Variants in KPNA7 observed in about 807,000 individuals in gnomAD.
The protein encoded by KPNA7 is karyopherin subunit alpha 7.
In KPNA7, 54 loss-of-function variants were observed where a neutral mutation model predicts 53.7. That is an observed-to-expected ratio of 1.01 (90% CI 0.81 to 1.26). KPNA7 has a LOEUF of 1.26. Among genes scored for constraint, KPNA7 ranks in the 50% most tolerant of loss-of-function variants. The pLI is 0.00. For missense variants in KPNA7, 640 were observed against 644.5 expected, an observed-to-expected ratio of 0.99 and a Z score of 0.07; for synonymous variants, 276 against 259.3, an observed-to-expected ratio of 1.06 and a Z score of -0.62.
upstream of KPNA7, among the ~76,000 whole-genome samples, chr7:99,210,499 G>A (rs989180647): frequency 1.3e-5 from 2 of 152,160 alleles, no homozygotes; most frequent in East Asian, 1.9e-4. Context: ...TGTGTGATAC[G>A]AGACAGGGAG....
chr7:99,194,455 T>G (rs12537233), intron 5 of KPNA7, among the ~76,000 whole-genome samples: 12,812 of 152,218 alleles, frequency 0.084, 573 homozygotes, highest in East Asian at 0.18. Flanking sequence ...ACTCCCACAC[T>G]GCATAAGCCA....
chr7:99,195,091 A>C lies in KPNA7; in HGVS notation c.532T>G (p.Trp178Gly). Residue 178 changes from tryptophan (W) to glycine (G), a missense_variant, in exon 5 of 11, where the codon TGG becomes GGG. Transcript: ENST00000327442. ...TCACCGGCTATATTACCAAGAGCCC[A>C]CACTGCCTGTTCACACACAGCCACG... ...SNVAVCEQAV[W>G]ALGNIAGDGP... The C allele has an allele frequency of 1.3e-6, 2 of 1,551,596 alleles. No homozygotes were observed. The highest frequency in any genetic ancestry group is 8.7e-7 in the Non-Finnish European group (1 of 1,146,962).
the KPNA7 span, among the ~76,000 whole-genome samples, chr7:99,151,327 T>C: frequency 6.6e-6 from 1 of 152,198 alleles, no homozygotes; most frequent in East Asian, 1.9e-4. Flanking sequence ...TTTTGATTTT[T>C]TTCTTCCCAG....
At chr7:99,156,481 T>C in the KPNA7 span, among the ~76,000 whole-genome samples, 1 of 152,142 alleles carries the variant, frequency 6.6e-6, no homozygotes, top group Non-Finnish European at 1.5e-5. Context: ...TGCTTGGCAT[T>C]CAATGAACCC....
At chr7:99,206,172 AT>A (rs1038644983) in intron 2 of KPNA7, among the ~76,000 whole-genome samples, 9 of 151,786 alleles carry the variant, frequency 5.9e-5, no homozygotes, top group Non-Finnish European at 1.0e-4. Flanking sequence ...CTGGTTTTTT[AT>A]TTTTTTCAGA....
chr7:99,171,402 G>T (rs4236540), downstream of KPNA7, among the ~76,000 whole-genome samples: 103,357 of 151,580 alleles, frequency 0.68, 36,084 homozygotes, highest in East Asian at 0.9. Context: ...GGAATTCAAG[G>T]TCAGCTTCCC....
chr7:99,155,675 C>G, the KPNA7 span, among the ~76,000 whole-genome samples: 1 of 152,106 alleles, frequency 6.6e-6, no homozygotes, highest in Admixed American at 6.6e-5. Context: ...ATCCTCCCAC[C>G]TCAGCCTCCT....
At chr7:99,150,268 A>T in the KPNA7 span, among the ~76,000 whole-genome samples, 23 of 144,848 alleles carry the variant, frequency 1.6e-4, no homozygotes, top group African/African-American at 5.7e-4. Context: ...GCTAATTTTT[A>T]TATTTTTAGT....
downstream of KPNA7, among the ~76,000 whole-genome samples, chr7:99,173,022 A>G (rs1450947638): frequency 7.3e-6 from 1 of 136,930 alleles, no homozygotes; most frequent in Non-Finnish European, 1.5e-5. Context: ...AGATCACATC[A>G]CTGCACTCCA....
chr7:99,195,713 A>C (rs1207513387), intron 4 of KPNA7, among the ~76,000 whole-genome samples: 1 of 152,132 alleles, frequency 6.6e-6, no homozygotes, highest in Non-Finnish European at 1.5e-5. Flanking sequence ...AAAAGAGAAA[A>C]AAAGAACCTC....
chr7:99,170,685 T>C (rs551801480), downstream of KPNA7, among the ~76,000 whole-genome samples: 15 of 152,294 alleles, frequency 9.8e-5, no homozygotes, highest in African/African-American at 3.4e-4. Flanking sequence ...GCAAGGCTGA[T>C]ACTTGGATGT....
chr7:99,150,416 TTCTTC>T, the KPNA7 span, among the ~76,000 whole-genome samples: 1 of 74,220 alleles, frequency 1.3e-5, no homozygotes, highest in Non-Finnish European at 3.0e-5. Flanking sequence ...TCATGAATCA[TTCTTC>T]TCTTTTTTTT....
At chr7:99,176,060 G>T (rs1421038956) in intron 10 of KPNA7, among the ~76,000 whole-genome samples, 1 of 151,970 alleles carries the variant, frequency 6.6e-6, no homozygotes, top group Non-Finnish European at 1.5e-5. Flanking sequence ...CACTTTGGGA[G>T]GCCCGAGGCA....
intron 1 of KPNA7, among the ~76,000 whole-genome samples, chr7:99,217,952 TTC>T (rs1416765885): frequency 1.3e-5 from 2 of 152,092 alleles, no homozygotes; most frequent in Non-Finnish European, 2.9e-5. Context: ...CTCTTTAGCT[TTC>T]TGAGGGGCTT....
intron 9 of KPNA7, 37 bp from the exon 10 acceptor site, chr7:99,178,103 A>T (rs1183046466): frequency 6.5e-7 from 1 of 1,544,974 alleles, no homozygotes. Context: ...GACCCCCGGC[A>T]GGAGCCTTTG....
At chr7:99,193,686 G>T (rs555798012) in intron 5 of KPNA7, among the ~76,000 whole-genome samples, 1 of 149,708 alleles carries the variant, frequency 6.7e-6, no homozygotes, top group Non-Finnish European at 1.5e-5. Context: ...TTTTTTTGGC[G>T]GGGGAGGGGG....
intron 3 of KPNA7, among the ~76,000 whole-genome samples, chr7:99,196,959 C>T (rs911162701): frequency 6.6e-5 from 10 of 152,012 alleles, no homozygotes; most frequent in African/African-American, 1.9e-4. Flanking sequence ...TTGGGATAAA[C>T]AACAGGCTAA....
the KPNA7 span, among the ~76,000 whole-genome samples, chr7:99,163,383 ATTTTTTTTTT>A: frequency 3.9e-4 from 16 of 40,804 alleles, no homozygotes; most frequent in South Asian, 1.4e-3. Context: ...ATATATATAT[ATTTTTTTTTT>A]TTTTTTTTTT....
chr7:99,184,652 T>G (rs35236657), intron 8 of KPNA7, among the ~76,000 whole-genome samples: 15,128 of 152,250 alleles, frequency 0.099, 892 homozygotes, highest in African/African-American at 0.16. Flanking sequence ...CGCTTAGACA[T>G]AAGCCAATAT....
Sources: allele counts gnomAD v4.1 joint callset (sites outside exome capture counted in the v4.1 genomes callset), GRCh38; gene constraint gnomAD v4.1.1; transcripts MANE v1.5; gene names NCBI Gene and HGNC (gene_info 2026-07-23, HGNC 2026-07-21).